PTPRK: variants seen among roughly 807,000 people sequenced by gnomAD.
The protein encoded by PTPRK is receptor-type tyrosine-protein phosphatase kappa.
PTPRK carries 75 observed loss-of-function variants against 178.0 expected under a neutral mutation model. The observed-to-expected ratio is 0.42, with a 90% CI of 0.35 to 0.51. The LOEUF (loss-of-function observed/expected upper bound fraction) is 0.51, where lower values mean the gene tolerates loss of function less well. PTPRK is among the 20% of genes least tolerant of loss of function. The probability of loss-of-function intolerance (pLI) is 0.02; values close to 1 mark genes in which losing one functional copy is unlikely to be tolerated. For missense variants in PTPRK, 1,441 were observed against 1,797.8 expected (o/e 0.80, Z 3.59); for synonymous variants, 637 against 620.6 (o/e 1.03, Z -0.39).
chr6:128,506,659 CAAAAAA>C (rs60473661), intron 1 of PTPRK, among the ~76,000 whole-genome samples: 1 of 53,094 alleles, frequency 1.9e-5, no homozygotes, highest in African/African-American at 6.8e-5. Flanking sequence ...AACTCTGTCT[CAAAAAA>C]AAAAAAAAAA....
At chr6:128,494,201 T>TAAAAAAAAAAAAAAAA (rs11301155) in intron 1 of PTPRK, among the ~76,000 whole-genome samples, 1 of 112,944 alleles carries the variant, frequency 8.9e-6, no homozygotes, top group Non-Finnish European at 1.8e-5. Flanking sequence ...CCCTGTATCT[T>TAAAAAAAAAAAAAAAA]AAAAAAAAAA....
At chr6:128,036,931 C>T (rs1776328906) in intron 13 of PTPRK, among the ~76,000 whole-genome samples, 1 of 152,050 alleles carries the variant, frequency 6.6e-6, no homozygotes, top group South Asian at 2.1e-4. Flanking sequence ...AGGGTTTCAC[C>T]ACGTTGGCCA....
At chr6:128,423,879 T>G (rs995455017) in intron 1 of PTPRK, among the ~76,000 whole-genome samples, 5 of 151,490 alleles carry the variant, frequency 3.3e-5, no homozygotes, top group Non-Finnish European at 7.4e-5. Context: ...ATAACATGGA[T>G]TAATTGACTC....
chr6:128,240,000 T>C (rs748659859), intron 5 of PTPRK, 35 bp downstream of exon 5: 1 of 1,490,392 alleles, frequency 6.7e-7, no homozygotes, highest in East Asian at 2.3e-5. Context: ...AAACATAAAG[T>C]ATACTCTTTA....
chr6:128,506,306 T>G (rs975636216), intron 1 of PTPRK, among the ~76,000 whole-genome samples: 9 of 152,186 alleles, frequency 5.9e-5, no homozygotes, highest in African/African-American at 2.2e-4. Context: ...TGGTCAATTC[T>G]TATTTTAACC....
At chr6:128,016,537 A>G (rs1440138893) in intron 13 of PTPRK, among the ~76,000 whole-genome samples, 4 of 151,886 alleles carry the variant, frequency 2.6e-5, no homozygotes. Flanking sequence ...TTCAGGTTAA[A>G]ATATTCAGTA....
chr6:128,069,237 T>C (rs1782385539), intron 11 of PTPRK, among the ~76,000 whole-genome samples: 1 of 152,168 alleles, frequency 6.6e-6, no homozygotes, highest in Non-Finnish European at 1.5e-5. Flanking sequence ...ATATCCATCT[T>C]GTTTCCTCTA....
chr6:128,365,296 C>T (rs1309497035), intron 2 of PTPRK, among the ~76,000 whole-genome samples: 2 of 152,044 alleles, frequency 1.3e-5, no homozygotes, highest in Non-Finnish European at 2.9e-5. Context: ...TCTTTATAGA[C>T]ACAAACAATC....
chr6:127,988,063 A>G (rs1447275237), intron 21 of PTPRK, among the ~76,000 whole-genome samples: 1 of 152,114 alleles, frequency 6.6e-6, no homozygotes, highest in African/African-American at 2.4e-5. Flanking sequence ...CTTAGGGAAA[A>G]AATAATAGGT....
intron 3 of PTPRK, among the ~76,000 whole-genome samples, chr6:128,281,723 T>TA (rs1423977353): frequency 6.6e-6 from 1 of 152,080 alleles, no homozygotes; most frequent in Non-Finnish European, 1.5e-5. Flanking sequence ...TCTCTGCACT[T>TA]ACCATCCCAC....
chr6:128,170,819 T>C lies in PTPRK; in HGVS notation c.1162+13613A>G, dbSNP rs571799797. Reference sequence around the variant, plus strand: ...GCAGAATGTTTATATTTCATATCAATTGACAGATTATGAATGACTTTAAAA... The same window carrying C: ...GCAGAATGTTTATATTTCATATCAACTGACAGATTATGAATGACTTTAAAA... On this transcript the variant is annotated intron_variant, in intron 7 of 29. Coordinates refer to ENST00000368226, the MANE Select transcript of PTPRK (RefSeq NM_002844.4). Among the ~76,000 whole-genome samples the C allele has an allele frequency of 1.6e-4, 24 of 152,066 alleles. No individual in the cohort carries two copies. The East Asian group carries it at 4.7e-3, about 30-fold the overall frequency.
At chr6:128,223,929 T>C (rs141233864) in intron 5 of PTPRK, among the ~76,000 whole-genome samples, 1 of 152,304 alleles carries the variant, frequency 6.6e-6, no homozygotes, top group African/African-American at 2.4e-5. Context: ...AGTATTGAGG[T>C]TTAATCAAGG....
chr6:128,058,333 C>G (rs1780246347), intron 13 of PTPRK, among the ~76,000 whole-genome samples: 1 of 152,110 alleles, frequency 6.6e-6, no homozygotes, highest in Non-Finnish European at 1.5e-5. Context: ...GTATTTTCTA[C>G]ACTTTTTCAT....
At chr6:128,101,183 T>C (rs1788714651) in intron 7 of PTPRK, among the ~76,000 whole-genome samples, 1 of 152,108 alleles carries the variant, frequency 6.6e-6, no homozygotes, top group Admixed American at 6.5e-5. Context: ...ATGTTTGTTC[T>C]GTGAATATAC....
intron 7 of PTPRK, among the ~76,000 whole-genome samples, chr6:128,154,321 CA>C (rs1797683101): frequency 6.6e-6 from 1 of 151,068 alleles, no homozygotes; most frequent in Non-Finnish European, 1.5e-5. Flanking sequence ...ATGGCAATAG[CA>C]AAAAAATTAG....
intron 7 of PTPRK, among the ~76,000 whole-genome samples, chr6:128,144,316 A>G (rs1247603294): frequency 1.3e-5 from 2 of 152,244 alleles, no homozygotes; most frequent in African/African-American, 4.8e-5. Flanking sequence ...TGCCAGTTCA[A>G]TGTATTCAAA....
At chr6:128,089,539 G>C in intron 8 of PTPRK, 151 bp downstream of exon 8, 2 of 817,446 alleles carry the variant, frequency 2.4e-6, no homozygotes, top group Non-Finnish European at 3.7e-6. Flanking sequence ...TTTTGTAAAA[G>C]GCAATTTTTT....
chr6:128,028,832 T>C (rs1412561236), intron 13 of PTPRK, among the ~76,000 whole-genome samples: 3 of 152,204 alleles, frequency 2.0e-5, no homozygotes, highest in Non-Finnish European at 4.4e-5. Flanking sequence ...ATATGATGCT[T>C]TGATGGTTTC....
At chr6:128,338,238 G>A (rs562747835) in intron 2 of PTPRK, among the ~76,000 whole-genome samples, 11 of 152,228 alleles carry the variant, frequency 7.2e-5, no homozygotes, top group African/African-American at 2.6e-4. Flanking sequence ...GCAGTCAATA[G>A]AGGAAAAATG....
Sources: gnomAD v4.1 joint callset for allele counts (sites outside exome capture counted in the v4.1 genomes callset) on GRCh38, gnomAD v4.1.1 for gene constraint, MANE v1.5 for transcripts, NCBI Gene and HGNC (gene_info 2026-07-23, HGNC 2026-07-21) for gene names.